Variants in NRSN2 observed in about 807,000 individuals in gnomAD.
NRSN2 encodes the protein neurensin 2.
In NRSN2, 10 loss-of-function variants were observed where a neutral mutation model predicts 11.1. The observed-to-expected ratio is 0.90, with a 90% CI of 0.56 to 1.53. The LOEUF (loss-of-function observed/expected upper bound fraction) is 1.53. Ranked by LOEUF, NRSN2 falls within the 40% of genes most tolerant of loss-of-function variation. The pLI, the probability that NRSN2 is intolerant of heterozygous loss-of-function variation, is 0.00. For missense variants in NRSN2, 260 were observed against 273.7 expected (o/e 0.95, Z 0.35); for synonymous variants, 100 against 117.0 (o/e 0.86, Z 0.94).
At chr20:351,801 C>T (rs953811942) in intron 4 of NRSN2, among the ~76,000 whole-genome samples, 11 of 152,142 alleles carry the variant, frequency 7.2e-5, no homozygotes, top group African/African-American at 2.4e-4. Flanking sequence ...ATCAAAACCC[C>T]AGCACGTTAT....
chr20:350,974 A>G (rs1198961272), intron 4 of NRSN2, among the ~76,000 whole-genome samples: 5 of 152,210 alleles, frequency 3.3e-5, no homozygotes, highest in Non-Finnish European at 7.3e-5. Flanking sequence ...ATAGCCTGTA[A>G]TCCCATCATT....
chr20:349,814 G>A lies in NRSN2; in HGVS notation c.171G>A (p.Trp57Ter). Residue 57 changes from tryptophan (W) to a stop codon, truncating the protein, a stop_gained, in exon 4 of 5, where the codon TGG (tryptophan) becomes TGA (stop). Coordinates refer to ENST00000382285, the MANE Select transcript of NRSN2 (RefSeq NM_001323682.2). LOFTEE classifies it high-confidence loss of function. Reference protein sequence around the residue: ...GPPVLCPRRPWPSLCWKISLS... With the variant: ...GPPVLCPRRP ...CGGTCCTGTGCCCCCGCCGGCCCTG[G>A]CCCTCACTGTGTTGGAAGGTAAGGC... 1 of 1,613,354 alleles carries A rather than the reference G, an allele frequency of 6.2e-7. No individual in the cohort carries two copies. The highest frequency in any genetic ancestry group is 1.1e-5 in the South Asian group (1 of 91,068).
intron 4 of NRSN2, among the ~76,000 whole-genome samples, chr20:352,240 A>G (rs57816274): frequency 0.03 from 4,506 of 152,086 alleles, 140 homozygotes; most frequent in African/African-American, 0.08. Flanking sequence ...GGGTGCACCA[A>G]TGGGTCAAGG....
chr20:350,659 AAAAAAAAAAAAAAAAAAG>A (rs1462127154), intron 4 of NRSN2, among the ~76,000 whole-genome samples: 16 of 127,834 alleles, frequency 1.3e-4, no homozygotes, highest in South Asian at 4.6e-4. Context: ...AAAAAAAAAA[AAAAAAAAAAAAAAAAAAG>A]AAAAAAGAAG....
Position 354,588 on chromosome 20 carries a change from TCA to T in NRSN2, c.*954_*955del. On this transcript the variant is annotated 3_prime_UTR_variant, in exon 5 of 5. Transcript: ENST00000382285. ...TGACCCTGATAATAAATGGGCTCTCTCAGAGGCGCCAGCCCCTCCCTCCCCAG... is the reference window on the plus strand; with the variant it reads ...TGACCCTGATAATAAATGGGCTCTCTGAGGCGCCAGCCCCTCCCTCCCCAG... 6.6e-6 allele frequency: 1 copy of T among 152,160 alleles called. No individual in the cohort carries two copies. The highest frequency in any genetic ancestry group is 2.1e-4 in the South Asian group (1 of 4,812). 9.4% of individuals were successfully genotyped at this position (152,160 alleles called of 1,614,324 possible).
At chr20:351,871 C>CT (rs1184690510) in intron 4 of NRSN2, among the ~76,000 whole-genome samples, 3 of 152,206 alleles carry the variant, frequency 2.0e-5, no homozygotes, top group Non-Finnish European at 2.9e-5. Context: ...AGTCGGGTCC[C>CT]TTGCTTTACT....
Position 353,527 on chromosome 20 carries a change from G to A in NRSN2, c.507G>A (p.Gln169=), listed in dbSNP as rs900318586. The A allele has an allele frequency of 1.2e-6, 2 of 1,614,070 alleles. No individual in the cohort carries two copies. The highest frequency in any genetic ancestry group is 1.7e-6 in the Non-Finnish European group (2 of 1,180,040). The change falls in exon 5 of 5, where the codon CAG becomes CAA. Residue 169 remains glutamine (Q), a synonymous_variant. Transcript: ENST00000382285. ...VEVFGDEPEQ[Q]LSPIFRNASG... ...TCTTCGGGGATGAGCCAGAGCAGCA[G>A]TTGTCACCCATTTTCCGCAATGCCA...
rs760969085 is a variant in NRSN2 at position 354,038 on chromosome 20, A to G, written c.*403A>G. On this transcript the variant is annotated 3_prime_UTR_variant, in exon 5 of 5. Coordinates refer to ENST00000382285, the MANE Select transcript of NRSN2 (RefSeq NM_001323682.2). The stretch of plus-strand genomic sequence containing the variant: ...AGGATGAGGACACGCACTGCCCTCC[A>G]TAGACACAGATGAAGGGGTGGGGGT... The G allele has an allele frequency of 3.4e-5, 7 of 207,586 alleles. No homozygotes were observed. The highest frequency in any genetic ancestry group is 5.7e-5 in the Non-Finnish European group (6 of 105,018). 12.9% of individuals were successfully genotyped at this position (207,586 alleles called of 1,614,324 possible). A position where few individuals can be genotyped will look rare whatever the true frequency, so the allele number is the denominator to read the frequency against.
At position 353,427 on chromosome 20, in the gene NRSN2, G is replaced by T; in HGVS notation, c.407G>T (p.Trp136Leu). ...AGVLLAICLF[W>L]AMIGWLSQDT... The stretch of plus-strand genomic sequence containing the variant: ...GTTCTGCTCGCCATCTGCCTCTTCT[G>T]GGCCATGATAGGCTGGCTGAGCCAG... Residue 136 changes from tryptophan (W) to leucine (L), a missense_variant, in exon 5 of 5, where the codon TGG becomes TTG. Trp to Leu is a moderately conservative substitution (Grantham distance 61, BLOSUM62 -2). Transcript: ENST00000382285. The T allele has an allele frequency of 6.2e-7, 1 of 1,613,972 alleles. No homozygotes were observed. Among genetic ancestry groups the T allele is most frequent in the Non-Finnish European group, 8.5e-7 (1 of 1,180,016 alleles).
At chr20:349,602 C>A (rs1382389800) in intron 3 of NRSN2, 36 bp from the exon 4 acceptor site, 12 of 1,557,418 alleles carry the variant, frequency 7.7e-6, no homozygotes, top group Middle Eastern at 2.3e-4. Flanking sequence ...CCCACTAATC[C>A]CTCCCTCCGT....
Position 353,411 on chromosome 20 carries a change from G to T in NRSN2, c.391G>T (p.Ala131Ser), listed in dbSNP as rs367945601. The change falls in exon 5 of 5, where the codon GCC becomes TCC. Residue 131 changes from alanine (A) to serine (S), a missense_variant. Transcript: ENST00000382285. ...CTGTGTGGCAGCTGGAGTTCTGCTC[G>T]CCATCTGCCTCTTCTGGGCCATGAT... Reference protein sequence around the residue: ...ALCVAAGVLLAICLFWAMIGW... With the variant: ...ALCVAAGVLLSICLFWAMIGW... 2.5e-6 allele frequency: 4 copies of T among 1,613,862 alleles called. No individual in the cohort carries two copies. In the South Asian group the frequency reaches 4.4e-5, roughly 18 times the overall value.
In NRSN2 at chr20:353,400, G is replaced by C; in HGVS notation, c.380G>C (p.Gly127Ala). The C allele has an allele frequency of 6.2e-7, 1 of 1,613,960 alleles. No homozygotes were observed. Among genetic ancestry groups the C allele is most frequent in the Non-Finnish European group, 8.5e-7 (1 of 1,180,012 alleles). ...GGCACAGCGCTCTGTGTGGCAGCTG[G>C]AGTTCTGCTCGCCATCTGCCTCTTC... ...LAGTALCVAAGVLLAICLFWA... is the reference protein window; with the variant it reads ...LAGTALCVAAAVLLAICLFWA... Residue 127 changes from glycine (G) to alanine (A), a missense_variant, in exon 5 of 5, where the codon GGA becomes GCA. By Grantham distance (60) the Gly-to-Ala change is moderately conservative (BLOSUM62 0). Transcript: ENST00000382285.
At chr20:350,076 A>C (rs74814174) in intron 4 of NRSN2, among the ~76,000 whole-genome samples, 1,925 of 152,316 alleles carry the variant, frequency 0.013, 35 homozygotes, top group African/African-American at 0.044. Flanking sequence ...ATGGTGGCTC[A>C]TGCCTGTAAT....
intron 3 of NRSN2, 24 bp downstream of exon 3, chr20:349,387 A>C (rs2013734517): frequency 5.4e-6 from 2 of 373,084 alleles, no homozygotes; most frequent in Non-Finnish European, 9.7e-6. Flanking sequence ...TCCAGAGTAA[A>C]CATGCACATT....
intron 3 of NRSN2, 39 bp from the exon 4 acceptor site, chr20:349,599 A>G: frequency 6.4e-7 from 1 of 1,552,610 alleles, no homozygotes; most frequent in Non-Finnish European, 8.8e-7. Flanking sequence ...GCTCCCACTA[A>G]TCCCTCCCTC....
intron 2 of NRSN2, chr20:348,483 C>CTGTGTGTGTGTG (rs1568514032): frequency 3.1e-5 from 1 of 32,340 alleles, no homozygotes; most frequent in Non-Finnish European, 5.7e-5. Context: ...GAACCTCCAA[C>CTGTGTGTGTGTG]CGTGTGTGTG....
In NRSN2 at chr20:353,485, C is replaced by T. The variant is rs200599604; in HGVS notation, c.465C>T (p.Ala155=). The change falls in exon 5 of 5, where the codon GCC becomes GCT. Residue 155 remains alanine, a synonymous_variant. Transcript: ENST00000382285. ...AGGCAGAGCCCTTGGACCCCGAAGC[C>T]GACAGCCACGTGGAGGTCTTCGGGG... ...DTKAEPLDPE[A]DSHVEVFGDE... is the part of the protein sequence containing the mutation. 6.9e-5 allele frequency: 112 copies of T among 1,614,150 alleles called. No homozygotes were observed. The highest frequency in any genetic ancestry group is 1.7e-4 in the Middle Eastern group (1 of 6,060).
chr20:351,728 G>A (rs904778592), intron 4 of NRSN2, among the ~76,000 whole-genome samples: 2 of 152,118 alleles, frequency 1.3e-5, no homozygotes, highest in East Asian at 3.8e-4. Flanking sequence ...GTTCATATTC[G>A]TGGATTGGAA....
chr20:352,294 C>G (rs2014031520), intron 4 of NRSN2, among the ~76,000 whole-genome samples: 1 of 152,158 alleles, frequency 6.6e-6, no homozygotes, highest in African/African-American at 2.4e-5. Context: ...GGGCATAGCT[C>G]TTTGCTAAAT....
Sources: gnomAD v4.1 joint callset for allele counts (sites outside exome capture counted in the v4.1 genomes callset) on GRCh38, gnomAD v4.1.1 for gene constraint, MANE v1.5 for transcripts, NCBI Gene and HGNC (gene_info 2026-07-23, HGNC 2026-07-21) for gene names.